CTBP1: variants seen among roughly 807,000 people sequenced by gnomAD.
The protein encoded by CTBP1 is C-terminal-binding protein 1.
CTBP1 carries 11 observed loss-of-function variants against 42.1 expected under a neutral mutation model. The observed-to-expected ratio is 0.26, with a 90% confidence interval of 0.16 to 0.43. The LOEUF is 0.43. Among genes scored for constraint, CTBP1 ranks in the 20% least tolerant of loss-of-function variants. The probability of loss-of-function intolerance (pLI) is 1.00; values close to 1 mark genes in which losing one functional copy is unlikely to be tolerated. For missense variants in CTBP1, 399 were observed against 624.3 expected (o/e 0.64, Z 3.85); for synonymous variants, 324 against 277.1 (o/e 1.17, Z -1.68).
At chr4:1,227,186 G>A (rs1560252916) in intron 4 of CTBP1, among the ~76,000 whole-genome samples, 3 of 152,182 alleles carry the variant, frequency 2.0e-5, no homozygotes, top group East Asian at 1.9e-4. Flanking sequence ...GGGTGCAGAC[G>A]TGCGTGTTCC....
chr4:1,240,012 TTC>T (rs1731997494), intron 2 of CTBP1, among the ~76,000 whole-genome samples: 2 of 152,224 alleles, frequency 1.3e-5, no homozygotes, highest in Admixed American at 1.3e-4. Flanking sequence ...ATGTTGCTGT[TTC>T]TGAGTGAGTG....
chr4:1,235,033 T>C lies in CTBP1; in HGVS notation c.162+3150A>G, dbSNP rs1036290679. 10 of 152,298 alleles carry C rather than the reference T, an allele frequency of 6.6e-5. No homozygotes were observed. Among genetic ancestry groups the C allele is most frequent in the African/African-American group, 2.2e-4 (9 of 41,458 alleles). 9.4% of individuals were successfully genotyped at this position (152,298 alleles called of 1,614,324 possible). A position where few individuals can be genotyped will look rare whatever the true frequency, so the allele number is the denominator to read the frequency against. On this transcript the variant is annotated intron_variant, in intron 3 of 9. Coordinates refer to ENST00000382952, the MANE Select transcript of CTBP1 (RefSeq NM_001012614.2). This position sits in a 1 kb window ranked among gnomAD's most constrained non-coding sequence, Gnocchi z 4.2. ...AAACCAGCTTCTTCACTCGCCATCA[T>C]GCTGCCGAGATCACCCAGGGTGTGG...
chr4:1,244,357 G>GC (rs1553851083), intron 1 of CTBP1: 5 of 977,932 alleles, frequency 5.1e-6, no homozygotes, highest in South Asian at 9.5e-5. Flanking sequence ...TGGGCACTGG[G>GC]GGGGGGGTGT....
intron 1 of CTBP1, chr4:1,242,642 C>G (rs771500591): frequency 4.2e-5 from 41 of 985,344 alleles, no homozygotes; most frequent in Non-Finnish European, 4.9e-5. Context: ...CAACACCACT[C>G]CTCATGGCAG....
intron 4 of CTBP1, among the ~76,000 whole-genome samples, chr4:1,226,742 G>A (rs961042769): frequency 5.3e-5 from 8 of 151,570 alleles, no homozygotes; most frequent in Non-Finnish European, 7.4e-5. Context: ...GCCTGCACCC[G>A]ACACCGCAGC....
intron 4 of CTBP1, among the ~76,000 whole-genome samples, chr4:1,227,088 C>A (rs530457109): frequency 6.6e-6 from 1 of 152,122 alleles, no homozygotes; most frequent in South Asian, 2.1e-4. Flanking sequence ...CCAAGCAGGA[C>A]GGCCAAGCAC....
chr4:1,230,970 C>T (rs1290483301), intron 3 of CTBP1: 2 of 152,402 alleles, frequency 1.3e-5, no homozygotes, highest in Non-Finnish European at 2.9e-5. Context: ...GTGCACGATT[C>T]TTAATACACT....
chr4:1,248,560 A>T lies in CTBP1; in HGVS notation c.-189+356T>A, dbSNP rs1392787162. On this transcript the variant is annotated intron_variant, in intron 1 of 9. Coordinates refer to ENST00000382952, the MANE Select transcript of CTBP1 (RefSeq NM_001012614.2). Reference sequence around the variant, plus strand: ...ACCGGGGACGGGGTAGCGGCCGGGGATCGGGACCCGGGGTGCCGTCCCGGG... The same window carrying T: ...ACCGGGGACGGGGTAGCGGCCGGGGTTCGGGACCCGGGGTGCCGTCCCGGG... The T allele has an allele frequency of 6.3e-6, 3 of 473,998 alleles. No homozygotes were observed. The East Asian group carries it at 4.6e-4, about 73-fold the overall frequency. The allele number at this position is 473,998 out of a possible 1,614,324, so 29.4% of individuals were successfully genotyped here. A position where few individuals can be genotyped will look rare whatever the true frequency, so the allele number is the denominator to read the frequency against.
At position 1,238,815 on chromosome 4, in the gene CTBP1, A is replaced by AC. The variant is rs1485588413; in HGVS notation, c.8-479dup. ...CCAAGACCCTCTGAGACCCCCCGAG[A>AC]CCCTCCCAGACCGTCCGAGACCCCA... On this transcript the variant is annotated intron_variant, in intron 2 of 9. Transcript: ENST00000382952. This position sits in a 1 kb window ranked among gnomAD's most constrained non-coding sequence, Gnocchi z 5.9. Among the ~76,000 whole-genome samples, 1 of 151,180 alleles carries AC rather than the reference A, an allele frequency of 6.6e-6. No homozygotes were observed. The highest frequency in any genetic ancestry group is 1.5e-5 in the Non-Finnish European group (1 of 67,834).
chr4:1,237,804 C>T (rs772584407), intron 3 of CTBP1: 2 of 692,130 alleles, frequency 2.9e-6, no homozygotes, highest in African/African-American at 1.8e-5. Context: ...TGATGGGGCA[C>T]AGGGCAAAAC....
chr4:1,246,067 A>G (rs764463679), intron 1 of CTBP1, among the ~76,000 whole-genome samples: 36 of 152,314 alleles, frequency 2.4e-4, no homozygotes, highest in Non-Finnish European at 2.6e-4. Context: ...GAGATACCAC[A>G]TGGAATGTGT....
chr4:1,215,284 C>A (rs1274025879), intron 6 of CTBP1, among the ~76,000 whole-genome samples: 2 of 152,230 alleles, frequency 1.3e-5, no homozygotes, highest in South Asian at 4.1e-4. Flanking sequence ...GCTGGGGCAG[C>A]TAGAGTGGGC....
intron 5 of CTBP1, among the ~76,000 whole-genome samples, chr4:1,224,018 G>A (rs1230856406): frequency 6.6e-6 from 1 of 152,200 alleles, no homozygotes; most frequent in Non-Finnish European, 1.5e-5. Context: ...CCAGCGCCAG[G>A]GGCAGCTGCT....
intron 1 of CTBP1, chr4:1,242,429 C>G: frequency 1.0e-6 from 1 of 985,408 alleles, no homozygotes; most frequent in Non-Finnish European, 1.2e-6. Context: ...GCCTGCCAGG[C>G]CAGAAGGGGC....
At position 1,238,510 on chromosome 4, in the gene CTBP1, C is replaced by T. The variant is rs1362194234; in HGVS notation, c.8-173G>A. ...TTAAAAATCCACGTGAAAGACAACTCGTGTGTGCCTCAGCTCGCTGACTCA... is the reference window on the plus strand; with the variant it reads ...TTAAAAATCCACGTGAAAGACAACTTGTGTGTGCCTCAGCTCGCTGACTCA... On this transcript the variant is annotated intron_variant, in intron 2 of 9. Transcript: ENST00000382952. This position sits in a 1 kb window ranked among gnomAD's most constrained non-coding sequence, Gnocchi z 5.9. 6.6e-6 allele frequency among the ~76,000 whole-genome samples: 1 copy of T among 152,148 alleles called. No individual in the cohort carries two copies. The highest frequency in any genetic ancestry group is 2.4e-5 in the African/African-American group (1 of 41,418).
At position 1,233,612 on chromosome 4, in the gene CTBP1, C is replaced by T. The variant is rs758333971; in HGVS notation, c.162+4571G>A. Among the ~76,000 whole-genome samples, 9 of 152,100 alleles carry T rather than the reference C, an allele frequency of 5.9e-5. No homozygotes were observed. Among genetic ancestry groups the T allele is most frequent in the African/African-American group, 1.4e-4 (6 of 41,404 alleles). On this transcript the variant is annotated intron_variant, in intron 3 of 9. Coordinates refer to ENST00000382952, the MANE Select transcript of CTBP1 (RefSeq NM_001012614.2). This position sits in a 1 kb window ranked among gnomAD's most constrained non-coding sequence, Gnocchi z 4.6. ...TCTCCTGTGGAAATTCCAAAGCAGG[C>T]GAGTGGGGCTGGGCTGAGTCTTGTG...
chr4:1,216,848 T>A (rs1487161319), intron 5 of CTBP1: 1 of 158,864 alleles, frequency 6.3e-6, no homozygotes, highest in African/African-American at 2.4e-5. Context: ...CGGCTCCTCC[T>A]CGGGGAAGGG....
At chr4:1,247,769 G>C (rs548948733) in intron 1 of CTBP1, among the ~76,000 whole-genome samples, 3 of 131,930 alleles carry the variant, frequency 2.3e-5, no homozygotes, top group Non-Finnish European at 3.4e-5. Context: ...GGCCGGGGAG[G>C]GGGGGGGGGC....
At chr4:1,215,970 T>C in intron 6 of CTBP1, 21 bp downstream of exon 6, 38 of 1,593,030 alleles carry the variant, frequency 2.4e-5, no homozygotes, top group South Asian at 3.4e-5. Flanking sequence ...AGTAGAGTCC[T>C]GTGTCCCCGG....
Sources: gnomAD v4.1 joint callset for allele counts (sites outside exome capture counted in the v4.1 genomes callset) on GRCh38, gnomAD v4.1.1 for gene constraint, Gnocchi (gnomAD v3.1) non-coding constraint, MANE v1.5 for transcripts, NCBI Gene and HGNC (gene_info 2026-07-23, HGNC 2026-07-21) for gene names.